Variants in TTLL7 observed in about 807,000 individuals in gnomAD.
TTLL7 encodes the protein tubulin polyglutamylase TTLL7.
In TTLL7, 53 loss-of-function variants were observed where a neutral mutation model predicts 120.2. The ratio of observed to expected loss-of-function variants is 0.44; its 90% confidence interval spans 0.35 to 0.55. TTLL7 has a LOEUF of 0.55. Ranked by LOEUF, TTLL7 falls within the 20% of genes least tolerant of loss-of-function variation. The pLI is 0.00. For synonymous variants in TTLL7, 353 were observed against 351.7 expected, an observed-to-expected ratio of 1.00 and a Z score of -0.04; for missense variants, 803 against 1,054.7, an observed-to-expected ratio of 0.76 and a Z score of 3.31.
chr1:83,892,636 G>T (rs1168663173), intron 18 of TTLL7, among the ~76,000 whole-genome samples: 1 of 146,498 alleles, frequency 6.8e-6, no homozygotes, highest in Non-Finnish European at 1.5e-5. Context: ...ACATATGAAT[G>T]AACATATATA....
At chr1:83,884,494 GCATGCCATCAATGAATGACA>G (rs1351984521) in intron 19 of TTLL7, among the ~76,000 whole-genome samples, 37 of 151,916 alleles carry the variant, frequency 2.4e-4, no homozygotes, top group Middle Eastern at 3.4e-3. Context: ...CAAATAGACA[GCATGCCATCAATGAATGACA>G]GGTTTTCTTA....
chr1:83,866,443 C>A lies in TTLL7; in HGVS notation c.*3519G>T, dbSNP rs899146209. Reference sequence around the variant, plus strand: ...ATTAAAAAGACAGTTAAAATGAAATCTTTTTATTGATGTCTAGAAGCTACT... The same window carrying A: ...ATTAAAAAGACAGTTAAAATGAAATATTTTTATTGATGTCTAGAAGCTACT... On this transcript the variant is annotated 3_prime_UTR_variant, in exon 21 of 21. Coordinates refer to ENST00000260505, the MANE Select transcript of TTLL7 (RefSeq NM_024686.6). The A allele has an allele frequency of 2.6e-5, 4 of 151,538 alleles. No homozygotes were observed. The highest frequency in any genetic ancestry group is 5.9e-5 in the Non-Finnish European group (4 of 67,732). 9.4% of individuals were successfully genotyped at this position (151,538 alleles called of 1,614,324 possible).
rs185633115 is a variant in TTLL7, at chr1:83,917,617, G to C, written c.1574C>G (p.Thr525Ser). Residue 525 changes from threonine to serine, a missense_variant, in exon 14 of 21, where the codon ACT becomes AGT. Transcript: ENST00000260505. The part of the protein sequence containing the change: ...DEKLMGKTTK[T>S]RGPKPLCSMP... The stretch of plus-strand genomic sequence containing the variant: ...GATATACTGCACCTTTGGTCCTCGA[G>C]TCTTGGTAGTTTTTCCCATCAACTT... The C allele has an allele frequency of 6.2e-7, 1 of 1,612,262 alleles. No individual in the cohort carries two copies. The highest frequency in any genetic ancestry group is 2.2e-5 in the East Asian group (1 of 44,818).
intron 15 of TTLL7, among the ~76,000 whole-genome samples, chr1:83,909,193 G>T (rs942116636): frequency 6.8e-6 from 1 of 147,712 alleles, no homozygotes; most frequent in Admixed American, 6.8e-5. Flanking sequence ...TAATGGTTTG[G>T]TTGTATATAA....
At chr1:83,991,624 A>T (rs1653010554) in intron 1 of TTLL7, among the ~76,000 whole-genome samples, 1 of 152,158 alleles carries the variant, frequency 6.6e-6, no homozygotes, top group Middle Eastern at 3.2e-3. Context: ...AGCCTAGGTG[A>T]CAGAGGGAGA....
At chr1:83,907,186 A>G (rs952857848) in intron 16 of TTLL7, among the ~76,000 whole-genome samples, 3 of 152,148 alleles carry the variant, frequency 2.0e-5, no homozygotes, top group African/African-American at 7.2e-5. Context: ...GGTAATTTTC[A>G]GTAATATTAT....
intron 1 of TTLL7, among the ~76,000 whole-genome samples, chr1:83,977,177 T>A (rs919620116): frequency 2.6e-5 from 4 of 152,056 alleles, no homozygotes; most frequent in African/African-American, 9.7e-5. Flanking sequence ...ATCGACTGCA[T>A]CTAGTAAATA....
At chr1:83,908,268 G>A (rs1657374920) in intron 15 of TTLL7, among the ~76,000 whole-genome samples, 1 of 151,992 alleles carries the variant, frequency 6.6e-6, no homozygotes, top group Non-Finnish European at 1.5e-5. Context: ...AGATTCATAG[G>A]GAGGGCTGGA....
chr1:83,994,152 A>T (rs981604502), intron 1 of TTLL7, among the ~76,000 whole-genome samples: 6 of 152,218 alleles, frequency 3.9e-5, no homozygotes, highest in Non-Finnish European at 5.9e-5. Context: ...AGGACCTGAA[A>T]AGTGGGGTGG....
At chr1:83,880,520 AG>A (rs1654350128) in intron 20 of TTLL7, among the ~76,000 whole-genome samples, 1 of 152,002 alleles carries the variant, frequency 6.6e-6, no homozygotes, top group South Asian at 2.1e-4. Context: ...ATCAATTTCT[AG>A]GTGTTTTTAA....
At chr1:83,990,165 GC>G (rs1652847699) in intron 1 of TTLL7, among the ~76,000 whole-genome samples, 1 of 133,092 alleles carries the variant, frequency 7.5e-6, no homozygotes, top group South Asian at 2.3e-4. Flanking sequence ...TTATTTGGAT[GC>G]CTTTTTTTTT....
chr1:83,994,720 T>G (rs1653326745), intron 1 of TTLL7, among the ~76,000 whole-genome samples: 1 of 152,158 alleles, frequency 6.6e-6, no homozygotes, highest in Non-Finnish European at 1.5e-5. Flanking sequence ...TTACACCTTA[T>G]ACCTTGTGCC....
chr1:83,966,675 A>G (rs1350796491), intron 1 of TTLL7, among the ~76,000 whole-genome samples: 2 of 152,084 alleles, frequency 1.3e-5, no homozygotes, highest in Non-Finnish European at 2.9e-5. Context: ...GAAAATAGAG[A>G]TTGTCCATAA....
chr1:83,924,694 C>T (rs1255407123), intron 10 of TTLL7, among the ~76,000 whole-genome samples: 1 of 152,144 alleles, frequency 6.6e-6, no homozygotes, highest in Non-Finnish European at 1.5e-5. Flanking sequence ...CTGAATTATA[C>T]ACTTAAAAAT....
intron 20 of TTLL7, among the ~76,000 whole-genome samples, chr1:83,870,407 T>C (rs1314866005): frequency 6.6e-6 from 1 of 152,212 alleles, no homozygotes; most frequent in Non-Finnish European, 1.5e-5. Flanking sequence ...CAAATATTTC[T>C]TTAAAACACG....
intron 1 of TTLL7, among the ~76,000 whole-genome samples, chr1:83,973,649 G>A (rs568443238): frequency 2.0e-5 from 3 of 152,152 alleles, no homozygotes; most frequent in East Asian, 1.9e-4. Context: ...TATAGATCAA[G>A]TTGAGAATAA....
chr1:83,870,376 T>G (rs1653255202), intron 20 of TTLL7, among the ~76,000 whole-genome samples: 1 of 152,168 alleles, frequency 6.6e-6, no homozygotes, highest in Non-Finnish European at 1.5e-5. Flanking sequence ...TCAGTCCTTG[T>G]AAGTAATATG....
At chr1:83,991,821 G>A (rs1043498783) in intron 1 of TTLL7, among the ~76,000 whole-genome samples, 4 of 151,990 alleles carry the variant, frequency 2.6e-5, no homozygotes, top group African/African-American at 9.7e-5. Context: ...TCTATTTATA[G>A]ATATTGCTGA....
intron 18 of TTLL7, among the ~76,000 whole-genome samples, chr1:83,892,417 C>CGAATATATATGT (rs1655645553): frequency 1.6e-5 from 1 of 62,658 alleles, no homozygotes; most frequent in African/African-American, 6.6e-5. Flanking sequence ...TATATATGAA[C>CGAATATATATGT]ATATATATGA....
Sources: gnomAD v4.1 joint callset for allele counts (sites outside exome capture counted in the v4.1 genomes callset) on GRCh38, gnomAD v4.1.1 for gene constraint, MANE v1.5 for transcripts, NCBI Gene and HGNC (gene_info 2026-07-23, HGNC 2026-07-21) for gene names.